GNPTAB: variants seen among roughly 807,000 people sequenced by gnomAD.
GNPTAB encodes N-acetylglucosamine-1-phosphotransferase subunits alpha/beta.
A neutral mutation model predicts 136.6 loss-of-function variants in GNPTAB; 92 were observed. That is an observed-to-expected ratio of 0.67 (90% CI 0.57 to 0.80). The LOEUF (loss-of-function observed/expected upper bound fraction) is 0.80, where lower values mean the gene tolerates loss of function less well. GNPTAB is among the 30% of genes least tolerant of loss of function. The pLI is 0.00. For missense variants in GNPTAB, 1,343 were observed against 1,501.8 expected, an observed-to-expected ratio of 0.89 and a Z score of 1.75; for synonymous variants, 512 against 535.1, an observed-to-expected ratio of 0.96 and a Z score of 0.60.
intron 4 of GNPTAB, 106 bp downstream of exon 4, chr12:101,788,441 TG>T: frequency 1.3e-6 from 1 of 773,112 alleles, no homozygotes; most frequent in South Asian, 1.4e-5. Flanking sequence ...AAAAACTATA[TG>T]GATAATAAAC....
intron 3 of GNPTAB, among the ~76,000 whole-genome samples, chr12:101,789,658 A>AT (rs1416609556): frequency 6.6e-6 from 1 of 152,002 alleles, no homozygotes. Flanking sequence ...CAAACTTTTT[A>AT]TTTTTTGTAG....
intron 1 of GNPTAB, among the ~76,000 whole-genome samples, chr12:101,823,713 T>C (rs891455999): frequency 4.0e-5 from 6 of 151,344 alleles, no homozygotes; most frequent in African/African-American, 1.5e-4. Context: ...AAAGACCAAA[T>C]GCAATTATCA....
chr12:101,786,042 A>T lies in GNPTAB; in HGVS notation c.541T>A (p.Ser181Thr), dbSNP rs1478450739. Residue 181 changes from serine to threonine, a missense_variant, in exon 5 of 21, where the codon TCA (serine) becomes ACA (threonine). Coordinates refer to ENST00000299314, the MANE Select transcript of GNPTAB (RefSeq NM_024312.5). ...AKPKNPSTNV[S>T]VVVFDSTKDV... ...TTAGTACTGTCAAAAACAACAACTG[A>T]GACATTGGTAGAAGGGTTTTTTGGT... is the stretch of plus-strand genomic sequence containing the variant. The T allele has an allele frequency of 1.9e-6, 3 of 1,613,722 alleles. No homozygotes were observed. Among genetic ancestry groups the T allele is most frequent in the Non-Finnish European group, 2.5e-6 (3 of 1,179,624 alleles).
rs3736475 is a variant in GNPTAB at position 101,757,100 on chromosome 12, G to C, written c.3434+112C>G. On this transcript the variant is annotated intron_variant, in intron 18 of 20. Transcript: ENST00000299314. ...TCAACCACCAGCTCCAACACTGCCT[G>C]CACTGTTAGGCCTTTTGGTCTGTTC... The C allele has an allele frequency of 0.58, 386,671 of 662,668 alleles. 116,255 individuals are homozygous for C. The highest frequency in any genetic ancestry group is 0.88 in the East Asian group (31,850 of 36,018). 41.0% of individuals were successfully genotyped at this position (662,668 alleles called of 1,614,324 possible). A position where few individuals can be genotyped will look rare whatever the true frequency, so the allele number is the denominator to read the frequency against.
intron 1 of GNPTAB, among the ~76,000 whole-genome samples, chr12:101,828,733 CTTGGT>C (rs1199615325): frequency 6.6e-6 from 1 of 152,086 alleles, no homozygotes; most frequent in Non-Finnish European, 1.5e-5. Context: ...GCCAGCCTGG[CTTGGT>C]TTGAAGCCCA....
intron 10 of GNPTAB, among the ~76,000 whole-genome samples, chr12:101,769,148 T>A (rs1012938968): frequency 9.2e-5 from 14 of 152,310 alleles, no homozygotes; most frequent in Non-Finnish European, 1.8e-4. Flanking sequence ...CTCTAACTTA[T>A]CACTGAACCC....
intron 1 of GNPTAB, among the ~76,000 whole-genome samples, chr12:101,805,480 T>C (rs1869884609): frequency 6.6e-6 from 1 of 152,226 alleles, no homozygotes; most frequent in East Asian, 1.9e-4. Context: ...CTTGATGTAC[T>C]GAGCCTAGGG....
chr12:101,814,662 A>T (rs1255141911), intron 1 of GNPTAB, among the ~76,000 whole-genome samples: 1 of 152,158 alleles, frequency 6.6e-6, no homozygotes, highest in African/African-American at 2.4e-5. Flanking sequence ...ATGTCACTGC[A>T]CTCCAGCCTG....
Position 101,790,004 on chromosome 12 carries a change from T to G in GNPTAB, c.257A>C (p.Asp86Ala), listed in dbSNP as rs763827719. The change falls in exon 3 of 21, where the codon GAT becomes GCT. Residue 86 changes from aspartate to alanine, a missense_variant. Transcript: ENST00000299314. Reference protein sequence around the residue: ...DVVYTWVNGTDLELLKELQQV... With the variant: ...DVVYTWVNGTALELLKELQQV... Reference sequence around the variant, plus strand: ...CTGTAGTTCCTTCAGTAGTTCAAGATCTGTGCCATTCACCCAGGTGTAAAC... The same window carrying G: ...CTGTAGTTCCTTCAGTAGTTCAAGAGCTGTGCCATTCACCCAGGTGTAAAC... The G allele has an allele frequency of 1.7e-5, 27 of 1,614,060 alleles. No homozygotes were observed. The highest frequency in any genetic ancestry group is 8.8e-5 in the South Asian group (8 of 91,094).
intron 18 of GNPTAB, chr12:101,756,498 C>A: frequency 2.5e-6 from 1 of 398,746 alleles, no homozygotes; most frequent in South Asian, 1.8e-5. Flanking sequence ...TGCTTGAGCC[C>A]ACGAGGTCGA....
chr12:101,773,302 ACCCCCCATGCT>A (rs1053994699), intron 7 of GNPTAB: 29 of 233,588 alleles, frequency 1.2e-4, no homozygotes, highest in African/African-American at 6.0e-4. Flanking sequence ...ATGGTACTTC[ACCCCCCATGCT>A]CTCCACCTGC....
intron 1 of GNPTAB, among the ~76,000 whole-genome samples, chr12:101,818,710 C>T (rs2137183388): frequency 6.6e-6 from 1 of 152,228 alleles, no homozygotes; most frequent in Admixed American, 6.5e-5. Context: ...GACAACCTGG[C>T]TAATATAGTT....
chr12:101,759,981 G>A (rs751099925), intron 16 of GNPTAB, 49 bp downstream of exon 16: 1 of 1,060,086 alleles, frequency 9.4e-7, no homozygotes, highest in Non-Finnish European at 1.5e-6. Context: ...AGTAACACTT[G>A]ATAAGGATGT....
intron 1 of GNPTAB, among the ~76,000 whole-genome samples, chr12:101,825,267 C>G (rs566737609): frequency 2.0e-5 from 3 of 152,166 alleles, no homozygotes; most frequent in African/African-American, 7.2e-5. Flanking sequence ...TATATTCTGA[C>G]GACAGCATCT....
At chr12:101,814,629 G>A (rs528309157) in intron 1 of GNPTAB, among the ~76,000 whole-genome samples, 8 of 150,470 alleles carry the variant, frequency 5.3e-5, no homozygotes, top group Non-Finnish European at 7.4e-5. Flanking sequence ...CCTGGGAGGC[G>A]GAGGTTCTAG....
At chr12:101,821,242 C>T (rs183756597) in intron 1 of GNPTAB, among the ~76,000 whole-genome samples, 577 of 152,254 alleles carry the variant, frequency 3.8e-3, no homozygotes, top group Non-Finnish European at 6.2e-3. Flanking sequence ...TCAGCAGGAG[C>T]CAAGTCTGCT....
intron 1 of GNPTAB, among the ~76,000 whole-genome samples, chr12:101,824,404 C>CTATATATA (rs1566102959): frequency 3.0e-4 from 17 of 56,438 alleles, no homozygotes; most frequent in East Asian, 1.9e-3. Flanking sequence ...AGAAATTTCA[C>CTATATATA]CATATATATA....
chr12:101,765,257 G>T lies in GNPTAB; in HGVS notation c.1660C>A (p.His554Asn). The T allele has an allele frequency of 4.3e-6, 7 of 1,613,822 alleles. No homozygotes were observed. The highest frequency in any genetic ancestry group is 5.9e-6 in the Non-Finnish European group (7 of 1,179,742). The part of the protein sequence containing the change: ...YKVILLPNQT[H>N]YIIPKGECLP... ...CATTCACCTTTTGGAATAATATAGT[G>T]AGTCTGGTTTGGGAGAAGGATCACT... Residue 554 changes from histidine (H) to asparagine (N), a missense_variant, in exon 13 of 21, where the codon CAC becomes AAC. By Grantham distance (68) the His-to-Asn change is moderately conservative. Transcript: ENST00000299314.
At chr12:101,794,711 GTGTT>G (rs1314928644) in intron 2 of GNPTAB, among the ~76,000 whole-genome samples, 3 of 152,090 alleles carry the variant, frequency 2.0e-5, no homozygotes, top group African/African-American at 4.8e-5. Context: ...GAGAACAAGA[GTGTT>G]TGATTAAAAC....
Sources: allele counts gnomAD v4.1 joint callset (sites outside exome capture counted in the v4.1 genomes callset), GRCh38; gene constraint gnomAD v4.1.1; transcripts MANE v1.5; gene names NCBI Gene and HGNC (gene_info 2026-07-23, HGNC 2026-07-21).